The following AKAP11 variants were observed in gnomAD, a reference collection of about 807,000 sequenced individuals.
The protein encoded by AKAP11 is A-kinase anchoring protein 11.
AKAP11 carries 36 observed loss-of-function variants against 146.1 expected under a neutral mutation model. The observed-to-expected ratio is 0.25, with a 90% confidence interval of 0.19 to 0.33. The LOEUF (loss-of-function observed/expected upper bound fraction) is 0.33, where lower values mean the gene tolerates loss of function less well. Among genes scored for constraint, AKAP11 ranks in the 10% least tolerant of loss-of-function variants. AKAP11 has a pLI of 1.00. For synonymous variants in AKAP11, 780 were observed against 786.5 expected, an observed-to-expected ratio of 0.99 and a Z score of 0.14; for missense variants, 2,201 against 2,197.0, an observed-to-expected ratio of 1.00 and a Z score of -0.04.
intron 1 of AKAP11, among the ~76,000 whole-genome samples, chr13:42,275,811 T>C (rs1206069013): frequency 6.6e-6 from 1 of 152,202 alleles, no homozygotes; most frequent in Non-Finnish European, 1.5e-5. Flanking sequence ...TTAAACAGTG[T>C]CTGGCATATG....
chr13:42,296,987 A>G, intron 5 of AKAP11, 61 bp from the exon 6 acceptor site: 2 of 1,474,998 alleles, frequency 1.4e-6, no homozygotes, highest in Non-Finnish European at 9.0e-7. Flanking sequence ...GGTCCACATT[A>G]TAGGAACCTT....
intron 7 of AKAP11, 150 bp downstream of exon 7, chr13:42,298,947 T>TCCTTA (rs1412598804): frequency 1.2e-6 from 1 of 841,078 alleles, no homozygotes; most frequent in Admixed American, 3.7e-5. Context: ...CTAAGGAAAT[T>TCCTTA]CCTTATGATT....
chr13:42,286,653 A>T (rs1218604795), intron 3 of AKAP11, among the ~76,000 whole-genome samples: 3 of 152,142 alleles, frequency 2.0e-5, no homozygotes, highest in Admixed American at 1.3e-4. Flanking sequence ...GCTTTTTTGC[A>T]ATATAGGCTG....
chr13:42,272,187 G>A lies in AKAP11; in HGVS notation c.-141G>A. Reference sequence around the variant, plus strand: ...CCCGGCTCGCTCACGGGTCGTTGAGGCCGGTGACATGTCTGTGAGCTGCGG... The same window carrying A: ...CCCGGCTCGCTCACGGGTCGTTGAGACCGGTGACATGTCTGTGAGCTGCGG... On this transcript the variant is annotated 5_prime_UTR_variant, in exon 1 of 13. Transcript: ENST00000025301. 6.5e-6 allele frequency: 1 copy of A among 153,290 alleles called. No individual in the cohort carries two copies. Among genetic ancestry groups the A allele is most frequent in the South Asian group, 1.8e-4 (1 of 5,648 alleles). The allele number at this position is 153,290 out of a possible 1,614,324, so 9.5% of individuals were successfully genotyped here.
chr13:42,300,584 G>A lies in AKAP11; in HGVS notation c.1838G>A (p.Ser613Asn). The A allele has an allele frequency of 6.2e-7, 1 of 1,614,032 alleles. No individual in the cohort carries two copies. Among genetic ancestry groups the A allele is most frequent in the Non-Finnish European group, 8.5e-7 (1 of 1,179,926 alleles). ...TTTTCACTAAAAGAACGTGCCATTA[G>A]TGGCCTGGCTAACTTTTTGGTGAGT... Reference protein sequence around the residue: ...RAFSLKERAISGLANFLVSEA... With the variant: ...RAFSLKERAINGLANFLVSEA... The change falls in exon 8 of 13, where the codon AGT (serine) becomes AAT (asparagine). Residue 613 changes from serine to asparagine, a missense_variant. Physicochemically the swap from Ser to Asn is conservative, Grantham distance 46 (BLOSUM62 1). Around this residue, in one of 3 missense-constraint regions of AKAP11, gnomAD observed 1,867 missense variants for 1,833.5 expected, o/e 1.02. Coordinates refer to ENST00000025301, the MANE Select transcript of AKAP11 (RefSeq NM_016248.4).
At chr13:42,287,535 C>T (rs944439588) in intron 3 of AKAP11, among the ~76,000 whole-genome samples, 10 of 152,060 alleles carry the variant, frequency 6.6e-5, no homozygotes, top group Admixed American at 2.0e-4. Flanking sequence ...CTGCCTGCCT[C>T]GGCCTCCCAA....
intron 1 of AKAP11, among the ~76,000 whole-genome samples, chr13:42,276,349 C>T (rs958962462): frequency 6.6e-6 from 1 of 152,138 alleles, no homozygotes; most frequent in African/African-American, 2.4e-5. Context: ...AGGGCTCAAG[C>T]GATTCTCCCT....
In AKAP11 at chr13:42,297,182, G is replaced by T; in HGVS notation, c.351G>T (p.Gln117His). Residue 117 changes from glutamine (Q) to histidine (H), a missense_variant and splice_region_variant, in exon 6 of 13, where the codon CAG (glutamine) becomes CAT (histidine). Around this residue, in one of 3 missense-constraint regions of AKAP11, gnomAD observed 331 missense variants for 347.4 expected, o/e 0.95. Coordinates refer to ENST00000025301, the MANE Select transcript of AKAP11 (RefSeq NM_016248.4). ...PLDISSDPLN[Q>H]SHPSGMLCVM... ...ATATAAGCAGTGATCCTCTAAATCA[G>T]GTAACTTTTGTAGATAATTTCTAAT... 7.0e-7 allele frequency: 1 copy of T among 1,429,076 alleles called. No individual in the cohort carries two copies. The highest frequency in any genetic ancestry group is 2.7e-5 in the East Asian group (1 of 37,292). The allele number at this position is 1,429,076 out of a possible 1,614,324, so 88.5% of individuals were successfully genotyped here.
At position 42,313,943 on chromosome 13, in the gene AKAP11, A is replaced by G; in HGVS notation, c.5404+3A>G. On this transcript the variant is annotated splice_donor_region_variant and intron_variant, in intron 11 of 12. Coordinates refer to ENST00000025301, the MANE Select transcript of AKAP11 (RefSeq NM_016248.4). The stretch of plus-strand genomic sequence containing the variant: ...AGAGCATGAGGACGAAGTAGAAGGT[A>G]ATTTGATTTGTTTTTCAAAGTGTTG... 3 of 1,613,254 alleles carry G rather than the reference A, an allele frequency of 1.9e-6. No individual in the cohort carries two copies. The highest frequency in any genetic ancestry group is 1.7e-5 in the Admixed American group (1 of 60,010).
chr13:42,283,755 G>T (rs1959109791), intron 1 of AKAP11, among the ~76,000 whole-genome samples: 1 of 152,202 alleles, frequency 6.6e-6, no homozygotes, highest in Non-Finnish European at 1.5e-5. Context: ...AAAGGTAATT[G>T]TTGTTTCCTA....
rs560924849 is a variant in AKAP11 at position 42,279,371 on chromosome 13, C to T, written c.-99-6615C>T. Among the ~76,000 whole-genome samples, 207 of 152,292 alleles carry T rather than the reference C, an allele frequency of 1.4e-3. 1 individual carries two copies. Among genetic ancestry groups the T allele is most frequent in the African/African-American group, 4.5e-3 (187 of 41,580 alleles). On this transcript the variant is annotated intron_variant, in intron 1 of 12. Coordinates refer to ENST00000025301, the MANE Select transcript of AKAP11 (RefSeq NM_016248.4). ...ACCTTTTATGGTGCTTAAAAAGTCA[C>T]TTACACTCTACGTTTGTTTTTAAGT... is the stretch of plus-strand genomic sequence containing the variant.
chr13:42,318,359 T>C (rs1960920455), intron 12 of AKAP11, among the ~76,000 whole-genome samples: 1 of 152,206 alleles, frequency 6.6e-6, no homozygotes, highest in Non-Finnish European at 1.5e-5. Flanking sequence ...TTTGGGTGAA[T>C]TGTATGTTAT....
Position 42,301,332 on chromosome 13 carries a change from C to T in AKAP11, c.2586C>T (p.Ser862=). 2 of 1,613,886 alleles carry T rather than the reference C, an allele frequency of 1.2e-6. No homozygotes were observed. Among genetic ancestry groups the T allele is most frequent in the Non-Finnish European group, 1.7e-6 (2 of 1,179,956 alleles). The change falls in exon 8 of 13, where the codon TCC becomes TCT. Residue 862 remains serine, a synonymous_variant. Transcript: ENST00000025301. ...PTNDDIEMQS[S]SKLPNDPAII... ...ATGACGATATTGAAATGCAGAGTTC[C>T]TCAAAATTACCAAATGATCCTGCAA...
chr13:42,307,604 TA>T (rs1184036415), intron 8 of AKAP11, among the ~76,000 whole-genome samples: 1 of 149,906 alleles, frequency 6.7e-6, no homozygotes, highest in Non-Finnish European at 1.5e-5. Context: ...TTTCCAGGCC[TA>T]GGGGTGGGAC....
chr13:42,277,851 T>G (rs139798757), intron 1 of AKAP11, among the ~76,000 whole-genome samples: 1 of 152,342 alleles, frequency 6.6e-6, no homozygotes, highest in African/African-American at 2.4e-5. Context: ...CTTAGACGCT[T>G]GGTGAATGTA....
intron 4 of AKAP11, among the ~76,000 whole-genome samples, chr13:42,293,967 A>G (rs1182695437): frequency 6.6e-6 from 1 of 152,218 alleles, no homozygotes; most frequent in Admixed American, 6.5e-5. Flanking sequence ...CCTCAGAACT[A>G]TGAGAGGGAA....
chr13:42,282,603 C>T (rs977291209), intron 1 of AKAP11, among the ~76,000 whole-genome samples: 1 of 152,066 alleles, frequency 6.6e-6, no homozygotes, highest in African/African-American at 2.4e-5. Flanking sequence ...TCTGTAATTG[C>T]TTTCATTTGT....
chr13:42,303,659 C>G lies in AKAP11; in HGVS notation c.4913C>G (p.Pro1638Arg). The change falls in exon 8 of 13, where the codon CCT becomes CGT. Residue 1638 changes from proline to arginine, a missense_variant. By Grantham distance (103) the Pro-to-Arg change is moderately radical (BLOSUM62 -2). Around this residue, in one of 3 missense-constraint regions of AKAP11, gnomAD observed 1,867 missense variants for 1,833.5 expected, o/e 1.02. Transcript: ENST00000025301. The stretch of plus-strand genomic sequence containing the variant: ...TCTAGGATTTTTCATCTCAGTGTCC[C>G]TCAGATTCATGTTAATCTTGATAAG... ...QKSRIFHLSV[P>R]QIHVNLDKKA... 1 of 1,614,110 alleles carries G rather than the reference C, an allele frequency of 6.2e-7. No homozygotes were observed. Among genetic ancestry groups the G allele is most frequent in the Non-Finnish European group, 8.5e-7 (1 of 1,180,006 alleles).
intron 1 of AKAP11, among the ~76,000 whole-genome samples, chr13:42,275,865 A>G (rs1203756290): frequency 6.6e-6 from 1 of 152,186 alleles, no homozygotes; most frequent in Non-Finnish European, 1.5e-5. Context: ...TGTTGAGAGC[A>G]TACCGTGTGG....
Sources: gnomAD v4.1 joint callset for allele counts (sites outside exome capture counted in the v4.1 genomes callset) on GRCh38, gnomAD v4.1.1 for gene constraint, gnomAD v4.1.1 regional missense constraint, MANE v1.5 for transcripts, NCBI Gene and HGNC (gene_info 2026-07-23, HGNC 2026-07-21) for gene names.